Variants in MRC2 observed in about 807,000 individuals in gnomAD.
The protein encoded by MRC2 is C-type mannose receptor 2.
Under a neutral mutation model 206.2 loss-of-function variants are expected in MRC2, and 84 were observed. The observed-to-expected ratio is 0.41, with a 90% confidence interval of 0.34 to 0.49. The LOEUF (loss-of-function observed/expected upper bound fraction) is 0.49. MRC2 is among the 20% of genes least tolerant of loss of function. The probability of loss-of-function intolerance (pLI) is 0.31; values close to 1 mark genes in which losing one functional copy is unlikely to be tolerated. For missense variants in MRC2, 1,676 were observed against 2,001.5 expected (o/e 0.84, Z 3.10); for synonymous variants, 798 against 800.0 (o/e 1.00, Z 0.04).
At chr17:62,684,661 G>A (rs529943407) in intron 20 of MRC2, among the ~76,000 whole-genome samples, 2 of 152,244 alleles carry the variant, frequency 1.3e-5, no homozygotes, top group African/African-American at 4.8e-5. Flanking sequence ...CTTGTTATGT[G>A]CCAGGGTAAT....
intron 17 of MRC2, 45 bp from the exon 18 acceptor site, chr17:62,681,017 G>A (rs1226511066): frequency 3.1e-6 from 5 of 1,612,560 alleles, no homozygotes; most frequent in Non-Finnish European, 4.2e-6. Flanking sequence ...CCCGGGATGA[G>A]GGCAGGGGGC....
At position 62,691,035 on chromosome 17, in the gene MRC2, AAC is replaced by A. The variant is rs760442474; in HGVS notation, c.4101_4102del (p.Asn1367LysfsTer32). The part of the protein sequence containing the change: ...PGLGPSMLSH[N>X]SCYWIQSNSG... ...CTTGGGCCCCAGCATGCTGAGCCAC[AAC>A]AGCTGCTACTGGATTCAGAGCAACA... On this transcript the variant is annotated frameshift_variant, in exon 28 of 30. Transcript: ENST00000303375. LOFTEE classifies it high-confidence loss of function. The A allele has an allele frequency of 2.5e-6, 4 of 1,609,992 alleles. No homozygotes were observed. The highest frequency in any genetic ancestry group is 8.5e-7 in the Non-Finnish European group (1 of 1,178,980).
In MRC2 at chr17:62,686,667, C is replaced by G. The variant is rs556013976; in HGVS notation, c.2947-1622C>G. On this transcript the variant is annotated intron_variant, in intron 20 of 29. Coordinates refer to ENST00000303375, the MANE Select transcript of MRC2 (RefSeq NM_006039.5). ...CCTGCCATACCCCTTAATACACTTG[C>G]ACATGGCAGGGATGCCCTCAGTGTC... Among the ~76,000 whole-genome samples, 6 of 152,320 alleles carry G rather than the reference C, an allele frequency of 3.9e-5. No individual in the cohort carries two copies. The South Asian group carries it at 1.2e-3, about 32-fold the overall frequency.
intron 11 of MRC2, 73 bp downstream of exon 11, chr17:62,676,604 A>G: frequency 1.3e-6 from 2 of 1,512,864 alleles, no homozygotes; most frequent in Non-Finnish European, 1.8e-6. Flanking sequence ...GCCAGCACCG[A>G]GCCCCAGGGC....
chr17:62,682,583 G>A (rs573407645), intron 20 of MRC2, among the ~76,000 whole-genome samples: 4 of 152,262 alleles, frequency 2.6e-5, no homozygotes, highest in Admixed American at 6.5e-5. Flanking sequence ...CCAATCCTCC[G>A]GGAAGCAAGG....
intron 1 of MRC2, among the ~76,000 whole-genome samples, chr17:62,630,287 G>A (rs950214298): frequency 6.6e-6 from 1 of 152,182 alleles, no homozygotes; most frequent in Non-Finnish European, 1.5e-5. Flanking sequence ...ATTTCATTTT[G>A]ATAACAACCC....
In MRC2 at chr17:62,691,199, G is replaced by A. The variant is rs373160158; in HGVS notation, c.4192+71G>A. On this transcript the variant is annotated intron_variant, in intron 28 of 29. Transcript: ENST00000303375. ...CGCTGGTCCTGGGCTGGGGCTGGGG[G>A]CTGCTTCACAACTGCAGGGGGCACA... The A allele has an allele frequency of 1.1e-5, 16 of 1,495,202 alleles. No individual in the cohort carries two copies. In the South Asian group the frequency reaches 1.9e-4, roughly 18 times the overall value. 92.6% of individuals were successfully genotyped at this position (1,495,202 alleles called of 1,614,324 possible).
chr17:62,640,164 C>A (rs149775492), intron 1 of MRC2, among the ~76,000 whole-genome samples: 202 of 152,008 alleles, frequency 1.3e-3, no homozygotes, highest in African/African-American at 4.7e-3. Context: ...AGCCACCACG[C>A]CTGGCCAGCT....
chr17:62,644,454 G>A (rs1191588958), intron 1 of MRC2, among the ~76,000 whole-genome samples: 1 of 152,188 alleles, frequency 6.6e-6, no homozygotes, highest in Non-Finnish European at 1.5e-5. Flanking sequence ...GCGGGATGCC[G>A]TGGCTCACGC....
Position 62,652,946 on chromosome 17 carries a change from A to T in MRC2, c.119-11602A>T, listed in dbSNP as rs527500338. Among the ~76,000 whole-genome samples the T allele has an allele frequency of 1.3e-5, 2 of 151,552 alleles. No individual in the cohort carries two copies. Among genetic ancestry groups the T allele is most frequent in the Non-Finnish European group, 2.9e-5 (2 of 67,906 alleles). ...CCCCTTGGGAGCAGAAGCAGAGAAG[A>T]CTCGGAACTCCAAGAGCAGGTGGAT... On this transcript the variant is annotated intron_variant, in intron 1 of 29. Coordinates refer to ENST00000303375, the MANE Select transcript of MRC2 (RefSeq NM_006039.5). The surrounding 1 kb of genome is among the most constrained non-coding windows in gnomAD (Gnocchi z 4.6).
chr17:62,635,695 C>T (rs2088305113), intron 1 of MRC2, among the ~76,000 whole-genome samples: 1 of 152,146 alleles, frequency 6.6e-6, no homozygotes, highest in African/African-American at 2.4e-5. Flanking sequence ...ATGCCTGTTA[C>T]TCCAGTGCGT....
At chr17:62,630,097 C>G (rs1029931910) in intron 1 of MRC2, among the ~76,000 whole-genome samples, 4 of 152,210 alleles carry the variant, frequency 2.6e-5, no homozygotes, top group Admixed American at 6.5e-5. Flanking sequence ...TTTGCTCAGC[C>G]TTGAGCCAAG....
intron 1 of MRC2, among the ~76,000 whole-genome samples, chr17:62,659,506 A>G (rs900704892): frequency 5.9e-5 from 9 of 151,934 alleles, no homozygotes; most frequent in African/African-American, 2.2e-4. Context: ...AGATCGCGCC[A>G]CTGCACTCCA....
In MRC2 at chr17:62,652,552, T is replaced by C. The variant is rs2088568166; in HGVS notation, c.119-11996T>C. ...TGGAGCCAGCCGTCGTTGTGAAAAT[T>C]CCCCCCACGGGGAAGGAAGTGGCTC... On this transcript the variant is annotated intron_variant, in intron 1 of 29. Coordinates refer to ENST00000303375, the MANE Select transcript of MRC2 (RefSeq NM_006039.5). The surrounding 1 kb of genome is among the most constrained non-coding windows in gnomAD (Gnocchi z 4.6). 6.6e-6 allele frequency among the ~76,000 whole-genome samples: 1 copy of C among 152,084 alleles called. No individual in the cohort carries two copies. The highest frequency in any genetic ancestry group is 2.4e-5 in the African/African-American group (1 of 41,388).
intron 1 of MRC2, among the ~76,000 whole-genome samples, chr17:62,658,717 C>T (rs1328875700): frequency 6.6e-6 from 1 of 152,212 alleles, no homozygotes; most frequent in East Asian, 1.9e-4. Flanking sequence ...CTTCGTTTTC[C>T]AGTCGTATCT....
chr17:62,674,402 G>C (rs2088864328), intron 9 of MRC2, among the ~76,000 whole-genome samples: 1 of 152,128 alleles, frequency 6.6e-6, no homozygotes. Flanking sequence ...CCAGTCCTGA[G>C]TCCCTCCCCA....
intron 1 of MRC2, among the ~76,000 whole-genome samples, chr17:62,640,888 G>A (rs1356464011): frequency 6.6e-6 from 1 of 151,590 alleles, no homozygotes; most frequent in Non-Finnish European, 1.5e-5. Context: ...TTTTTTAGTA[G>A]AGACAGGGTT....
At chr17:62,661,501 TC>T (rs2088678949) in intron 1 of MRC2, 1 of 150,664 alleles carries the variant, frequency 6.6e-6, no homozygotes, top group Non-Finnish European at 1.5e-5. Context: ...TTTCCTTCCT[TC>T]CTTTCTTTCT....
Position 62,675,385 on chromosome 17 carries a change from G to A in MRC2, c.1570-405G>A, listed in dbSNP as rs551450765. On this transcript the variant is annotated intron_variant, in intron 9 of 29. Transcript: ENST00000303375. This position sits in a 1 kb window ranked among gnomAD's most constrained non-coding sequence, Gnocchi z 4.1. Reference sequence around the variant, plus strand: ...GACTCCAGCTTTGCCAGGCCCTCGAGGACTGCCCATCCCCTCTCCATCCTG... The same window carrying A: ...GACTCCAGCTTTGCCAGGCCCTCGAAGACTGCCCATCCCCTCTCCATCCTG... Among the ~76,000 whole-genome samples the A allele has an allele frequency of 2.6e-5, 4 of 152,326 alleles. No individual in the cohort carries two copies. The highest frequency in any genetic ancestry group is 2.0e-4 in the Admixed American group (3 of 15,308).
Sources: allele counts gnomAD v4.1 joint callset (sites outside exome capture counted in the v4.1 genomes callset), GRCh38; gene constraint gnomAD v4.1.1; non-coding constraint Gnocchi (gnomAD v3.1); transcripts MANE v1.5; gene names NCBI Gene and HGNC (gene_info 2026-07-23, HGNC 2026-07-21).